Variants in ARHGAP15 observed in about 807,000 individuals in gnomAD.
ARHGAP15 encodes rho GTPase-activating protein 15.
A neutral mutation model predicts 63.7 loss-of-function variants in ARHGAP15; 51 were observed. That is an observed-to-expected ratio of 0.80 (90% CI 0.64 to 1.01). The LOEUF (loss-of-function observed/expected upper bound fraction) is 1.01. Among genes scored for constraint, ARHGAP15 ranks in the 50% least tolerant of loss-of-function variants. ARHGAP15 has a pLI of 0.00. For missense variants in ARHGAP15, 560 were observed against 564.6 expected (o/e 0.99, Z 0.08); for synonymous variants, 191 against 193.8 (o/e 0.99, Z 0.12).
At chr2:143,545,951 G>A (rs762695450) in intron 10 of ARHGAP15, among the ~76,000 whole-genome samples, 2 of 152,162 alleles carry the variant, frequency 1.3e-5, no homozygotes, top group African/African-American at 2.4e-5. Flanking sequence ...TTTAGCTCTC[G>A]CGACTTCTCT....
At chr2:143,612,868 T>C (rs549509325) in intron 11 of ARHGAP15, among the ~76,000 whole-genome samples, 1 of 152,326 alleles carries the variant, frequency 6.6e-6, no homozygotes, top group Admixed American at 6.5e-5. Context: ...ATCCAGCATA[T>C]GTTGATGTGA....
At chr2:143,166,976 T>C (rs1690567079) in intron 2 of ARHGAP15, among the ~76,000 whole-genome samples, 1 of 152,120 alleles carries the variant, frequency 6.6e-6, no homozygotes, top group African/African-American at 2.4e-5. Flanking sequence ...GAATTTATGA[T>C]AAACTTTTCA....
intron 13 of ARHGAP15, among the ~76,000 whole-genome samples, chr2:143,743,512 A>C (rs1396140328): frequency 2.6e-5 from 4 of 152,026 alleles, no homozygotes; most frequent in Non-Finnish European, 5.9e-5. Flanking sequence ...GGCCTGTGTT[A>C]AGCTGCTTTA....
At chr2:143,454,275 T>C (rs896198267) in intron 8 of ARHGAP15, among the ~76,000 whole-genome samples, 1 of 152,020 alleles carries the variant, frequency 6.6e-6, no homozygotes, top group Admixed American at 6.6e-5. Flanking sequence ...CACTAGTCTT[T>C]ATTGAGCCAA....
chr2:143,524,734 A>T (rs541747916), intron 10 of ARHGAP15, among the ~76,000 whole-genome samples: 11 of 152,350 alleles, frequency 7.2e-5, no homozygotes, highest in Non-Finnish European at 1.2e-4. Context: ...ATCACGAGAA[A>T]GCGTGGCTGG....
chr2:143,192,130 A>G (rs1275170590), intron 2 of ARHGAP15, among the ~76,000 whole-genome samples: 3 of 152,238 alleles, frequency 2.0e-5, no homozygotes, highest in Admixed American at 6.5e-5. Flanking sequence ...AGCTCTATTC[A>G]TTCCACAATG....
chr2:143,397,045 A>T (rs1276199889), intron 6 of ARHGAP15, among the ~76,000 whole-genome samples: 1 of 152,080 alleles, frequency 6.6e-6, no homozygotes, highest in Non-Finnish European at 1.5e-5. Flanking sequence ...CCTCCTCCAC[A>T]TTATTTCCTA....
chr2:143,603,931 G>C (rs1697880225), intron 11 of ARHGAP15, among the ~76,000 whole-genome samples: 1 of 152,096 alleles, frequency 6.6e-6, no homozygotes, highest in Non-Finnish European at 1.5e-5. Flanking sequence ...TAAAAAAGAA[G>C]CCCATAAATG....
chr2:143,265,761 A>G (rs1680957894), intron 6 of ARHGAP15, among the ~76,000 whole-genome samples: 1 of 152,124 alleles, frequency 6.6e-6, no homozygotes, highest in African/African-American at 2.4e-5. Flanking sequence ...CCCAAAATAT[A>G]TAAACAAAAA....
At chr2:143,676,797 G>C (rs1682847173) in intron 12 of ARHGAP15, among the ~76,000 whole-genome samples, 1 of 152,052 alleles carries the variant, frequency 6.6e-6, no homozygotes, top group Admixed American at 6.5e-5. Context: ...GTGACACAGA[G>C]ACACAAAATG....
At chr2:143,716,623 T>G (rs923581520) in intron 13 of ARHGAP15, among the ~76,000 whole-genome samples, 2 of 152,202 alleles carry the variant, frequency 1.3e-5, no homozygotes, top group South Asian at 4.1e-4. Flanking sequence ...GAAATTTGGT[T>G]CCCTTGTTTT....
At chr2:143,453,786 AT>A (rs1215765494) in intron 8 of ARHGAP15, among the ~76,000 whole-genome samples, 1 of 149,980 alleles carries the variant, frequency 6.7e-6, no homozygotes, top group African/African-American at 2.4e-5. Flanking sequence ...GTGAAAACAA[AT>A]TTATCCAATC....
At chr2:143,458,144 C>T (rs1690750430) in intron 8 of ARHGAP15, among the ~76,000 whole-genome samples, 3 of 152,224 alleles carry the variant, frequency 2.0e-5, no homozygotes, top group African/African-American at 7.2e-5. Context: ...TTTGAACATA[C>T]ATCTTCAAAA....
chr2:143,545,218 G>C (rs1047306972), intron 10 of ARHGAP15, among the ~76,000 whole-genome samples: 1 of 152,132 alleles, frequency 6.6e-6, no homozygotes. Context: ...TGAATGCTTA[G>C]CAGAGGCAAG....
chr2:143,177,269 G>A (rs1691043657), intron 2 of ARHGAP15, among the ~76,000 whole-genome samples: 1 of 152,114 alleles, frequency 6.6e-6, no homozygotes, highest in Admixed American at 6.5e-5. Flanking sequence ...ATGAGAGCCG[G>A]CTGTTCACAT....
intron 12 of ARHGAP15, among the ~76,000 whole-genome samples, chr2:143,632,924 A>G (rs1444821063): frequency 6.6e-6 from 1 of 152,222 alleles, no homozygotes; most frequent in African/African-American, 2.4e-5. Flanking sequence ...CTTGCAAGGC[A>G]CTTGACTAAA....
intron 13 of ARHGAP15, among the ~76,000 whole-genome samples, chr2:143,709,622 GAGCCCCAGAAACTGTT>G (rs1684487337): frequency 6.0e-5 from 4 of 66,748 alleles, no homozygotes; most frequent in African/African-American, 2.4e-4. Flanking sequence ...AGAAACTGTT[GAGCCCCAGAAACTGTT>G]GAGCTGGGGC....
At chr2:143,594,841 C>T (rs1241764363) in intron 11 of ARHGAP15, among the ~76,000 whole-genome samples, 2 of 152,100 alleles carry the variant, frequency 1.3e-5, no homozygotes, top group African/African-American at 4.8e-5. Context: ...TTTGAACAAT[C>T]AGAAAGGCCT....
intron 6 of ARHGAP15, among the ~76,000 whole-genome samples, chr2:143,391,243 T>C (rs1687526619): frequency 6.6e-6 from 1 of 152,216 alleles, no homozygotes; most frequent in African/African-American, 2.4e-5. Flanking sequence ...AAAATGTAGT[T>C]GATAATCACC....
Sources: allele counts gnomAD v4.1 joint callset (sites outside exome capture counted in the v4.1 genomes callset), GRCh38; gene constraint gnomAD v4.1.1; transcripts MANE v1.5; gene names NCBI Gene and HGNC (gene_info 2026-07-23, HGNC 2026-07-21).